The following OR4N2 variants were observed in gnomAD, a reference collection of about 807,000 sequenced individuals.
OR4N2 encodes olfactory receptor 4N2.
For missense variants in OR4N2, 307 were observed against 377.6 expected, an observed-to-expected ratio of 0.81 and a Z score of 1.55; for synonymous variants, 141 against 140.4, an observed-to-expected ratio of 1.00 and a Z score of -0.03.
chr14:19,827,922 C>T lies in OR4N2; in HGVS notation c.474C>T (p.Ile158=). The T allele has an allele frequency of 1.2e-6, 2 of 1,614,212 alleles. No homozygotes were observed. The highest frequency in any genetic ancestry group is 1.7e-6 in the Non-Finnish European group (2 of 1,180,042). Residue 158 remains isoleucine, a synonymous_variant, in exon 2 of 2, where the codon ATC becomes ATT. Transcript: ENST00000557677. ...TTGGGGGTTTTGTCCACTCCATTAT[C>T]CAGGTGGTCCTCATCCTCCGCTTGC... ...LWLGGFVHSI[I]QVVLILRLPF...
intron 1 of OR4N2, among the ~76,000 whole-genome samples, chr14:19,807,965 C>T (rs929672739): frequency 4.6e-5 from 7 of 152,166 alleles, no homozygotes; most frequent in Non-Finnish European, 1.0e-4. Context: ...ATCACATAAA[C>T]ATAATAAGAG....
In OR4N2 at chr14:19,828,759, A is replaced by T. The variant is rs1235687106; in HGVS notation, c.*387A>T. 5.1e-6 allele frequency: 1 copy of T among 197,396 alleles called. No homozygotes were observed. The highest frequency in any genetic ancestry group is 2.4e-5 in the African/African-American group (1 of 42,034). 12.2% of individuals were successfully genotyped at this position (197,396 alleles called of 1,614,324 possible). ...ATAAACTGAAGAAGGCAAACATGCA[A>T]ACATTTGTGGTTATAGTAATCTAGA... On this transcript the variant is annotated 3_prime_UTR_variant, in exon 2 of 2. Coordinates refer to ENST00000557677, the MANE Select transcript of OR4N2 (RefSeq NM_001004723.3).
At chr14:19,810,541 A>T (rs1879270649) in intron 1 of OR4N2, among the ~76,000 whole-genome samples, 2 of 152,260 alleles carry the variant, frequency 1.3e-5, no homozygotes, top group African/African-American at 4.8e-5. Context: ...ATGCACACAT[A>T]TGTTCAACAC....
At chr14:19,819,195 G>A (rs1026896581) in intron 1 of OR4N2, among the ~76,000 whole-genome samples, 49 of 152,258 alleles carry the variant, frequency 3.2e-4, no homozygotes, top group Admixed American at 1.3e-3. Context: ...GTATCTTTGT[G>A]GTGTTCTCTG....
At chr14:19,815,655 G>GTTTTTTTTTTTTTTTTTT (rs59019427) in intron 1 of OR4N2, among the ~76,000 whole-genome samples, 1 of 138,520 alleles carries the variant, frequency 7.2e-6, no homozygotes. Flanking sequence ...GTTTTTTTTT[G>GTTTTTTTTTTTTTTTTTT]TTTTTTTTTT....
intron 1 of OR4N2, among the ~76,000 whole-genome samples, chr14:19,825,690 G>C (rs1456411103): frequency 6.6e-6 from 1 of 152,064 alleles, no homozygotes; most frequent in Admixed American, 6.6e-5. Context: ...TGAGTAGCTG[G>C]GACTACAGGC....
chr14:19,808,359 G>A (rs1879216461), intron 1 of OR4N2, among the ~76,000 whole-genome samples: 1 of 152,108 alleles, frequency 6.6e-6, no homozygotes, highest in Non-Finnish European at 1.5e-5. Context: ...AAAGCAACTA[G>A]AACTGATATA....
chr14:19,814,026 A>G (rs1170969447), intron 1 of OR4N2, among the ~76,000 whole-genome samples: 1 of 152,148 alleles, frequency 6.6e-6, no homozygotes, highest in South Asian at 2.1e-4. Flanking sequence ...ATAAATTAGA[A>G]CAAATATATT....
intron 1 of OR4N2, among the ~76,000 whole-genome samples, chr14:19,818,937 A>C (rs1185334630): frequency 2.0e-5 from 3 of 152,254 alleles, no homozygotes; most frequent in African/African-American, 4.8e-5. Context: ...TCCTTCGCTT[A>C]TGAAGCTTAG....
intron 1 of OR4N2, among the ~76,000 whole-genome samples, chr14:19,823,935 A>T (rs1296667594): frequency 3.9e-5 from 6 of 152,264 alleles, no homozygotes; most frequent in Non-Finnish European, 7.3e-5. Flanking sequence ...CTCAGACTCC[A>T]GGCATGCACA....
chr14:19,820,510 C>G (rs1276012820), intron 1 of OR4N2, among the ~76,000 whole-genome samples: 2 of 152,250 alleles, frequency 1.3e-5, no homozygotes, highest in Non-Finnish European at 2.9e-5. Context: ...ACATTTAAGT[C>G]TGCTGAAGCT....
intron 1 of OR4N2, among the ~76,000 whole-genome samples, chr14:19,820,200 C>A (rs1879529680): frequency 6.6e-6 from 1 of 152,250 alleles, no homozygotes; most frequent in African/African-American, 2.4e-5. Context: ...TGTCCCTTAG[C>A]AGAGTTCAAG....
intron 1 of OR4N2, among the ~76,000 whole-genome samples, chr14:19,824,439 C>T (rs1231413054): frequency 6.6e-6 from 1 of 152,216 alleles, no homozygotes; most frequent in Non-Finnish European, 1.5e-5. Context: ...TTTCAAAGTC[C>T]TTCAGAAATC....
chr14:19,809,173 G>C (rs1349411102), intron 1 of OR4N2, among the ~76,000 whole-genome samples: 1 of 152,002 alleles, frequency 6.6e-6, no homozygotes, highest in Non-Finnish European at 1.5e-5. Flanking sequence ...AATGAAACTT[G>C]ACCCTTATTT....
chr14:19,823,218 T>G (rs1248296705), intron 1 of OR4N2, among the ~76,000 whole-genome samples: 3 of 152,378 alleles, frequency 2.0e-5, no homozygotes, highest in Non-Finnish European at 1.5e-5. Flanking sequence ...TAGTGAGCTA[T>G]TACTACTAAT....
rs2138486599 is a variant in OR4N2 at position 19,828,696 on chromosome 14, A to G, written c.*324A>G. 1 of 247,996 alleles carries G rather than the reference A, an allele frequency of 4.0e-6. No individual in the cohort carries two copies. Among genetic ancestry groups the G allele is most frequent in the Admixed American group, 5.1e-5 (1 of 19,708 alleles). The allele number at this position is 247,996 out of a possible 1,614,324, so 15.4% of individuals were successfully genotyped here. ...AACCAATTTGTGTTTAATAATCAAA[A>G]AAGACCTTGAAGAGCTGACGTTTTG... On this transcript the variant is annotated 3_prime_UTR_variant, in exon 2 of 2. Coordinates refer to ENST00000557677, the MANE Select transcript of OR4N2 (RefSeq NM_001004723.3).
At chr14:19,808,532 C>T (rs1879220807) in intron 1 of OR4N2, among the ~76,000 whole-genome samples, 1 of 151,990 alleles carries the variant, frequency 6.6e-6, no homozygotes, top group African/African-American at 2.4e-5. Flanking sequence ...CCAGAAAACT[C>T]TACAAAATTA....
chr14:19,824,734 T>TTA (rs1879649476), intron 1 of OR4N2, among the ~76,000 whole-genome samples: 2 of 152,398 alleles, frequency 1.3e-5, no homozygotes, highest in South Asian at 4.1e-4. Flanking sequence ...TGAACAGTAT[T>TTA]TATATCTTCC....
intron 1 of OR4N2, among the ~76,000 whole-genome samples, chr14:19,823,591 G>T (rs1252553912): frequency 1.8e-4 from 27 of 152,304 alleles, no homozygotes; most frequent in Middle Eastern, 6.8e-3. Flanking sequence ...CAGGTGTGGG[G>T]TAGAATGGAG....
Sources: gnomAD v4.1 joint callset for allele counts (sites outside exome capture counted in the v4.1 genomes callset) on GRCh38, gnomAD v4.1.1 for gene constraint, MANE v1.5 for transcripts, NCBI Gene and HGNC (gene_info 2026-07-23, HGNC 2026-07-21) for gene names.